AHNAK: variants seen among roughly 807,000 people sequenced by gnomAD.
AHNAK encodes the protein neuroblast differentiation-associated protein AHNAK.
A neutral mutation model predicts 37.8 loss-of-function variants in AHNAK; 23 were observed. The observed-to-expected ratio is 0.61, with a 90% CI of 0.44 to 0.86. The LOEUF (loss-of-function observed/expected upper bound fraction) is 0.86. Among genes scored for constraint, AHNAK ranks in the 40% least tolerant of loss-of-function variants. AHNAK has a pLI of 0.00. For missense variants in AHNAK, 7,411 were observed against 7,319.4 expected, an observed-to-expected ratio of 1.01 and a Z score of -0.46; for synonymous variants, 2,481 against 2,636.3, an observed-to-expected ratio of 0.94 and a Z score of 1.80.
chr11:62,525,401 T>G lies in AHNAK; in HGVS notation c.9016A>C (p.Ile3006Leu). Residue 3006 changes from isoleucine (I) to leucine (L), a missense_variant, in exon 5 of 5, where the codon ATT becomes CTT. Transcript: ENST00000378024. ...EVDIRGPQVD[I>L]DVPDVGVQGP... Reference sequence around the variant, plus strand: ...TGAACGCCCACATCCGGGACATCAATGTCCACTTGGGGACCCCTGATGTCA... The same window carrying G: ...TGAACGCCCACATCCGGGACATCAAGGTCCACTTGGGGACCCCTGATGTCA... The G allele has an allele frequency of 1.9e-6, 3 of 1,613,482 alleles. No individual in the cohort carries two copies. The highest frequency in any genetic ancestry group is 2.5e-6 in the Non-Finnish European group (3 of 1,179,852).
At chr11:62,509,322 C>G (rs920128443) in intron 4 of AHNAK, among the ~76,000 whole-genome samples, 6 of 152,128 alleles carry the variant, frequency 3.9e-5, no homozygotes, top group Non-Finnish European at 5.9e-5. Flanking sequence ...AATTCCAGCA[C>G]TTTGGGAGGC....
chr11:62,539,806 C>T (rs1440731157), intron 1 of AHNAK, among the ~76,000 whole-genome samples: 1 of 152,240 alleles, frequency 6.6e-6, no homozygotes, highest in African/African-American at 2.4e-5. Flanking sequence ...CTGCCAACCA[C>T]CCTGCCTGCT....
At chr11:62,508,238 G>A (rs1475968747) in intron 4 of AHNAK, among the ~76,000 whole-genome samples, 4 of 152,158 alleles carry the variant, frequency 2.6e-5, no homozygotes, top group Admixed American at 6.5e-5. Context: ...TCAGGGAAAC[G>A]GCAGTGACAT....
chr11:62,524,443 G>A lies in AHNAK; in HGVS notation c.9974C>T (p.Pro3325Leu). The A allele has an allele frequency of 6.2e-7, 1 of 1,613,862 alleles. No individual in the cohort carries two copies. The highest frequency in any genetic ancestry group is 1.1e-5 in the South Asian group (1 of 91,014). Reference protein sequence around the residue: ...GPKLEGDIKAPSLDIKGPEVD... With the variant: ...GPKLEGDIKALSLDIKGPEVD... ...TTCTGGGCCCTTTATATCCAAACTG[G>A]GAGCTTTAATGTCACCTTCCAACTT... Residue 3325 changes from proline to leucine, a missense_variant, in exon 5 of 5, where the codon CCC becomes CTC. By Grantham distance (98) the Pro-to-Leu change is moderately conservative. Transcript: ENST00000378024.
intron 5 of AHNAK, among the ~76,000 whole-genome samples, chr11:62,451,541 C>T (rs1307611799): frequency 6.6e-6 from 1 of 151,938 alleles, no homozygotes; most frequent in Non-Finnish European, 1.5e-5. Context: ...AGTTCAAGAC[C>T]AGCCTGGACA....
At chr11:62,478,867 A>AT (rs1231686220) in intron 5 of AHNAK, among the ~76,000 whole-genome samples, 4 of 151,162 alleles carry the variant, frequency 2.6e-5, no homozygotes, top group South Asian at 2.1e-4. Context: ...TGTTTCACTA[A>AT]TTTTTTTTGT....
At chr11:62,513,549 A>G (rs997004000), downstream of AHNAK, among the ~76,000 whole-genome samples, 3 of 152,082 alleles carry the variant, frequency 2.0e-5, no homozygotes, top group African/African-American at 7.2e-5. Context: ...AATAAAAAAA[A>G]AAAAAGACTT....
At position 62,460,171 on chromosome 11, in the gene AHNAK, C is replaced by G. The variant is rs1042450291; in HGVS notation, c.443-26280G>C. ...GCGTGGTGGCACACGCCTGTAATCC[C>G]AGCTACTCGGGAGGCTGAGGCACGA... is the stretch of plus-strand genomic sequence containing the variant. On this transcript the variant is annotated intron_variant, in intron 5 of 5. Transcript: ENST00000257247. Among the ~76,000 whole-genome samples, 3 of 151,378 alleles carry G rather than the reference C, an allele frequency of 2.0e-5. No individual in the cohort carries two copies. The East Asian group carries it at 5.8e-4, about 29-fold the overall frequency.
Position 62,528,241 on chromosome 11 carries a change from G to A in AHNAK, c.6176C>T (p.Pro2059Leu). The change falls in exon 5 of 5, where the codon CCT (proline) becomes CTT (leucine). Residue 2059 changes from proline to leucine, a missense_variant. Pro to Leu is a moderately conservative substitution (Grantham distance 98, BLOSUM62 -3). Coordinates refer to ENST00000378024, the MANE Select transcript of AHNAK (RefSeq NM_001620.3). ...PKMKMPKFSM[P>L]GFKAEGPEVD... ...TTCTGGGCCCTCTGCTTTGAAGCCA[G>A]GCATGCTGAACTTGGGCATTTTCAT... 6.2e-7 allele frequency: 1 copy of A among 1,614,080 alleles called. No individual in the cohort carries two copies. Among genetic ancestry groups the A allele is most frequent in the Middle Eastern group, 1.6e-4 (1 of 6,062 alleles).
chr11:62,478,961 C>G (rs1441089396), intron 5 of AHNAK, among the ~76,000 whole-genome samples: 2 of 151,846 alleles, frequency 1.3e-5, no homozygotes, highest in Non-Finnish European at 2.9e-5. Context: ...CTACAACCTC[C>G]GCCTCCTGGA....
At chr11:62,468,179 C>G (rs1430217747) in intron 5 of AHNAK, among the ~76,000 whole-genome samples, 5 of 152,086 alleles carry the variant, frequency 3.3e-5, no homozygotes, top group Admixed American at 3.3e-4. Context: ...AAGACTCCGT[C>G]TCTACTAAAA....
At position 62,527,458 on chromosome 11, in the gene AHNAK, T is replaced by C. The variant is rs773643320; in HGVS notation, c.6959A>G (p.Asn2320Ser). The change falls in exon 5 of 5, where the codon AAT (asparagine) becomes AGT (serine). Residue 2320 changes from asparagine to serine, a missense_variant. Physicochemically the swap from Asn to Ser is conservative, Grantham distance 46. Coordinates refer to ENST00000378024, the MANE Select transcript of AHNAK (RefSeq NM_001620.3). ...PKISMPDVDF[N>S]LKGPKIKGDV... ...TCCTTTGATTTTGGGTCCCTTTAAA[T>C]TGAAATCAACATCAGGCATGGAGAT... The C allele has an allele frequency of 3.1e-6, 5 of 1,614,070 alleles. No homozygotes were observed. The Admixed American group carries it at 8.3e-5, about 27-fold the overall frequency.
rs774245871 is a variant in AHNAK at position 62,523,331 on chromosome 11, C to A, written c.11086G>T (p.Val3696Leu). 6.2e-7 allele frequency: 1 copy of A among 1,613,086 alleles called. No homozygotes were observed. Among genetic ancestry groups the A allele is most frequent in the African/African-American group, 1.3e-5 (1 of 74,750 alleles). The change falls in exon 5 of 5, where the codon GTG becomes TTG. Residue 3696 changes from valine (V) to leucine (L), a missense_variant. Transcript: ENST00000378024. Reference protein sequence around the residue: ...KGDVVVSLPKVEGDLKGPEVD... With the variant: ...KGDVVVSLPKLEGDLKGPEVD... ...TCAGGGCCTTTTAGATCACCTTCCACTTTGGGCAAAGACACAACCACATCA... is the reference window on the plus strand; with the variant it reads ...TCAGGGCCTTTTAGATCACCTTCCAATTTGGGCAAAGACACAACCACATCA...
intron 5 of AHNAK, among the ~76,000 whole-genome samples, chr11:62,454,715 G>T (rs1220641057): frequency 6.6e-6 from 1 of 152,008 alleles, no homozygotes; most frequent in African/African-American, 2.4e-5. Flanking sequence ...AGAAGAGTGG[G>T]AGGGGGAGGA....
Position 62,516,749 on chromosome 11 carries a change from C to G in AHNAK, c.17668G>C (p.Glu5890Gln). 1 of 1,609,164 alleles carries G rather than the reference C, an allele frequency of 6.2e-7. No homozygotes were observed. The highest frequency in any genetic ancestry group is 1.1e-5 in the South Asian group (1 of 90,236). ...TACACACATACAAAGGCCTGCTACT[C>G]TTTCTTTGTGGAAACTGACAGCTCC... The part of the protein sequence containing the change: ...EVELSVSTKK[E>Q] Residue 5890 changes from glutamate to glutamine, a missense_variant, in exon 5 of 5, where the codon GAG becomes CAG. By Grantham distance (29) the Glu-to-Gln change is conservative. Transcript: ENST00000378024.
chr11:62,494,009 T>C (rs767367832), intron 4 of AHNAK, among the ~76,000 whole-genome samples: 134 of 152,180 alleles, frequency 8.8e-4, no homozygotes, highest in Non-Finnish European at 1.4e-3. Context: ...TGATGAGTGA[T>C]GAAAGAATGA....
chr11:62,541,816 T>C (rs1941133576), intron 1 of AHNAK: 1 of 152,228 alleles, frequency 6.6e-6, no homozygotes, highest in South Asian at 2.1e-4. Flanking sequence ...CCCAGGAGTC[T>C]CTGACCCCCA....
chr11:62,517,380 C>G lies in AHNAK; in HGVS notation c.17037G>C (p.Gly5679=). Residue 5679 remains glycine, a synonymous_variant, in exon 5 of 5, where the codon GGG becomes GGC. Coordinates refer to ENST00000378024, the MANE Select transcript of AHNAK (RefSeq NM_001620.3). ...SGRELVGREM[G]VDVHFPKAEA... is the part of the protein sequence containing the mutation. ...CTGCTTTAGGGAAGTGAACATCCAC[C>G]CCCATTTCTCTGCCAACCAGCTCAC... 2 of 1,614,182 alleles carry G rather than the reference C, an allele frequency of 1.2e-6. No homozygotes were observed. Among genetic ancestry groups the G allele is most frequent in the Non-Finnish European group, 1.7e-6 (2 of 1,180,022 alleles).
intron 1 of AHNAK, among the ~76,000 whole-genome samples, chr11:62,543,307 A>G (rs1232063933): frequency 6.6e-6 from 1 of 152,182 alleles, no homozygotes; most frequent in Non-Finnish European, 1.5e-5. Context: ...ACCAGAGCAG[A>G]ATGCCACTGC....
Sources: gnomAD v4.1 joint callset for allele counts (sites outside exome capture counted in the v4.1 genomes callset) on GRCh38, gnomAD v4.1.1 for gene constraint, MANE v1.5 for transcripts, NCBI Gene and HGNC (gene_info 2026-07-23, HGNC 2026-07-21) for gene names.